The following NRXN1 variants were observed in gnomAD, a reference collection of about 807,000 sequenced individuals.
The protein encoded by NRXN1 is neurexin 1.
In NRXN1, 39 loss-of-function variants were observed where a neutral mutation model predicts 150.9. That is an observed-to-expected ratio of 0.26 (90% CI 0.20 to 0.34). The LOEUF is 0.34. Ranked by LOEUF, NRXN1 falls within the 10% of genes least tolerant of loss-of-function variation. The probability of loss-of-function intolerance (pLI) is 1.00; values close to 1 mark genes in which losing one functional copy is unlikely to be tolerated. For missense variants in NRXN1, 1,815 were observed against 1,949.9 expected (o/e 0.93, Z 1.30); for synonymous variants, 924 against 757.0 (o/e 1.22, Z -3.62).
intron 18 of NRXN1, among the ~76,000 whole-genome samples, chr2:50,160,806 GA>G (rs2059318924): frequency 6.6e-6 from 1 of 151,936 alleles, no homozygotes; most frequent in Admixed American, 6.6e-5. Context: ...TTTTAACAAA[GA>G]AAAAAATTCT....
At chr2:49,984,452 T>C (rs1026496098) in intron 21 of NRXN1, among the ~76,000 whole-genome samples, 9 of 151,882 alleles carry the variant, frequency 5.9e-5, no homozygotes. Flanking sequence ...CAATAAAAAC[T>C]TTTTTTCCAA....
intron 5 of NRXN1, among the ~76,000 whole-genome samples, chr2:50,837,274 G>A (rs1337043063): frequency 6.6e-6 from 1 of 152,096 alleles, no homozygotes; most frequent in Non-Finnish European, 1.5e-5. Context: ...CGCAAAAATT[G>A]TGCTTACCCC....
chr2:50,312,492 A>G (rs1037704693), intron 17 of NRXN1, among the ~76,000 whole-genome samples: 2 of 151,982 alleles, frequency 1.3e-5, no homozygotes, highest in African/African-American at 4.8e-5. Flanking sequence ...CATGATCTAA[A>G]TTTCAATATA....
Position 50,826,631 on chromosome 2 carries a change from G to A in NRXN1, c.832+95238C>T, listed in dbSNP as rs150113520. ...TGTGTTTTAAAGTGCGGTTCAGTGA[G>A]GGATCAGATGACTCCTAGGTGTATT... On this transcript the variant is annotated intron_variant, in intron 5 of 22. Transcript: ENST00000401669. Among the ~76,000 whole-genome samples, 647 of 152,266 alleles carry A rather than the reference G, an allele frequency of 4.2e-3. 4 individuals are homozygous for A. Among genetic ancestry groups the A allele is most frequent in the African/African-American group, 0.014 (593 of 41,552 alleles).
At chr2:50,833,996 T>C (rs371388196) in intron 5 of NRXN1, among the ~76,000 whole-genome samples, 1 of 152,150 alleles carries the variant, frequency 6.6e-6, no homozygotes, top group Admixed American at 6.5e-5. Context: ...GAAATTGAAC[T>C]TTTTTGCCAA....
At chr2:50,945,879 T>A in intron 2 of NRXN1, among the ~76,000 whole-genome samples, 1 of 38,832 alleles carries the variant, frequency 2.6e-5, no homozygotes, top group Middle Eastern at 0.013. Flanking sequence ...GAAAAACAGA[T>A]ATATATATAT....
chr2:50,728,572 G>C (rs1697686638), intron 5 of NRXN1, among the ~76,000 whole-genome samples: 1 of 152,040 alleles, frequency 6.6e-6, no homozygotes, highest in Admixed American at 6.6e-5. Flanking sequence ...TTTTTGGTTT[G>C]ATTATGTTTT....
At chr2:50,368,464 T>C (rs1389690230) in intron 17 of NRXN1, among the ~76,000 whole-genome samples, 5 of 152,008 alleles carry the variant, frequency 3.3e-5, no homozygotes, top group Non-Finnish European at 5.9e-5. Context: ...ATGGACCTTT[T>C]AGCAGAAATG....
intron 18 of NRXN1, among the ~76,000 whole-genome samples, chr2:50,190,519 A>T (rs763697917): frequency 2.0e-4 from 31 of 152,160 alleles, no homozygotes; most frequent in Admixed American, 4.6e-4. Context: ...ATGATCTTTA[A>T]AATAAAAACA....
At chr2:50,340,663 C>T (rs1302264913) in intron 17 of NRXN1, among the ~76,000 whole-genome samples, 3 of 151,412 alleles carry the variant, frequency 2.0e-5, no homozygotes, top group Non-Finnish European at 2.9e-5. Flanking sequence ...TCCTTATGAT[C>T]AAAGGAAACT....
rs369744946 is a variant in NRXN1 at position 50,531,250 on chromosome 2, C to T, written c.2324G>A (p.Arg775His). 2.5e-6 allele frequency: 4 copies of T among 1,613,082 alleles called. No individual in the cohort carries two copies. The highest frequency in any genetic ancestry group is 1.3e-5 in the African/African-American group (1 of 74,890). ...DTLRLELDAG[R>H]VKLTVNLDCI... Reference sequence around the variant, plus strand: ...ACCTAGATTGACCGTCAGTTTCACACGTCCTGCGTCTAGCTCCAGGCGGAG... The same window carrying T: ...ACCTAGATTGACCGTCAGTTTCACATGTCCTGCGTCTAGCTCCAGGCGGAG... The change falls in exon 11 of 23, where the codon CGT (arginine) becomes CAT (histidine). Residue 775 changes from arginine (R) to histidine (H), a missense_variant. Around this residue, in one of 6 missense-constraint regions of NRXN1, gnomAD observed 638 missense variants for 652.6 expected, o/e 0.98. Coordinates refer to ENST00000401669, the MANE Select transcript of NRXN1 (RefSeq NM_001330078.2).
At chr2:50,601,797 C>T (rs1676322738) in intron 8 of NRXN1, among the ~76,000 whole-genome samples, 4 of 152,146 alleles carry the variant, frequency 2.6e-5, no homozygotes, top group Admixed American at 2.6e-4. Flanking sequence ...ATTTAAATAT[C>T]ATTAAAATGT....
In NRXN1 at chr2:50,914,099, A is replaced by C. The variant is rs576140270; in HGVS notation, c.832+7770T>G. 2.0e-5 allele frequency among the ~76,000 whole-genome samples: 3 copies of C among 151,836 alleles called. No homozygotes were observed. The South Asian group carries it at 6.2e-4, about 31-fold the overall frequency. Reference sequence around the variant, plus strand: ...ACTGTAGTACTGTTGATGCTTTTTAATTCGAAGATTTCCTACCATTGTAGT... The same window carrying C: ...ACTGTAGTACTGTTGATGCTTTTTACTTCGAAGATTTCCTACCATTGTAGT... On this transcript the variant is annotated intron_variant, in intron 5 of 22. Coordinates refer to ENST00000401669, the MANE Select transcript of NRXN1 (RefSeq NM_001330078.2).
At chr2:50,807,824 C>T in intron 5 of NRXN1, among the ~76,000 whole-genome samples, 1 of 152,206 alleles carries the variant, frequency 6.6e-6, no homozygotes, top group African/African-American at 2.4e-5. Context: ...CAGTTTGAGG[C>T]AGTAGGTTCT....
chr2:50,153,939 T>A (rs1301337651), intron 18 of NRXN1, among the ~76,000 whole-genome samples: 1 of 151,756 alleles, frequency 6.6e-6, no homozygotes, highest in African/African-American at 2.4e-5. Flanking sequence ...ACAAGCTGCA[T>A]GCAAGCCTAA....
At chr2:50,891,829 A>C (rs1681107671) in intron 5 of NRXN1, among the ~76,000 whole-genome samples, 1 of 152,054 alleles carries the variant, frequency 6.6e-6, no homozygotes. Context: ...GCGGGCAAAG[A>C]CTTCTCAACA....
In NRXN1 at chr2:51,028,405, C is replaced by G; in HGVS notation, c.-132G>C. The G allele has an allele frequency of 3.7e-6, 2 of 544,710 alleles. No homozygotes were observed. The highest frequency in any genetic ancestry group is 6.1e-6 in the Non-Finnish European group (2 of 328,486). The allele number at this position is 544,710 out of a possible 1,614,324, so 33.7% of individuals were successfully genotyped here. A position where few individuals can be genotyped will look rare whatever the true frequency, so the allele number is the denominator to read the frequency against. On this transcript the variant is annotated 5_prime_UTR_variant, in exon 2 of 23. Coordinates refer to ENST00000401669, the MANE Select transcript of NRXN1 (RefSeq NM_001330078.2). ...GAAAGGCGGGAGTGAGAGGGATGTG[C>G]CCTCCTTTATCTAGTTCTTTTTTTC...
chr2:50,252,258 C>A (rs199787810), intron 17 of NRXN1, among the ~76,000 whole-genome samples: 3 of 69,722 alleles, frequency 4.3e-5, no homozygotes, highest in South Asian at 5.9e-4. Context: ...TTTTTCTTTT[C>A]TTTTTTTTTT....
intron 21 of NRXN1, among the ~76,000 whole-genome samples, chr2:50,038,010 C>T (rs968243037): frequency 1.6e-4 from 24 of 151,910 alleles, no homozygotes; most frequent in African/African-American, 5.1e-4. Context: ...ATGTAGTGGG[C>T]ATTCTACATT....
Sources: gnomAD v4.1 joint callset for allele counts (sites outside exome capture counted in the v4.1 genomes callset) on GRCh38, gnomAD v4.1.1 for gene constraint, gnomAD v4.1.1 regional missense constraint, MANE v1.5 for transcripts, NCBI Gene and HGNC (gene_info 2026-07-23, HGNC 2026-07-21) for gene names.